Variants in MAP3K3 observed in about 807,000 individuals in gnomAD.
MAP3K3 encodes the protein MAP/ERK kinase kinase 3.
MAP3K3 carries 12 observed loss-of-function variants against 80.9 expected under a neutral mutation model. The observed-to-expected ratio is 0.15, with a 90% CI of 0.10 to 0.24. The LOEUF (loss-of-function observed/expected upper bound fraction) is 0.24. Among genes scored for constraint, MAP3K3 ranks in the 10% least tolerant of loss-of-function variants. MAP3K3 has a pLI of 1.00. For missense variants in MAP3K3, 596 were observed against 834.7 expected, an observed-to-expected ratio of 0.71 and a Z score of 3.52; for synonymous variants, 272 against 307.1, an observed-to-expected ratio of 0.89 and a Z score of 1.19.
chr17:63,655,792 G>GT (rs1314475913), intron 4 of MAP3K3, among the ~76,000 whole-genome samples: 5 of 151,818 alleles, frequency 3.3e-5, no homozygotes, highest in African/African-American at 7.3e-5. Flanking sequence ...AGCCTACTTG[G>GT]TTTTTTTTAT....
intron 6 of MAP3K3, among the ~76,000 whole-genome samples, chr17:63,670,158 CA>C (rs931420027): frequency 3.2e-4 from 49 of 151,590 alleles, no homozygotes; most frequent in African/African-American, 1.1e-3. Context: ...ATATGGGAAG[CA>C]AAAAAGACAC....
chr17:63,662,650 AT>A (rs1192833142), intron 5 of MAP3K3, among the ~76,000 whole-genome samples: 17,636 of 83,272 alleles, frequency 0.21, 1,062 homozygotes, highest in African/African-American at 0.36. Flanking sequence ...AGAAGAGGGA[AT>A]TTTTTTTTTT....
rs2034009049 is a variant in MAP3K3 at position 63,622,628 on chromosome 17, C to T, written c.-132C>T. Reference sequence around the variant, plus strand: ...CGGAGCCTGGGGAGGCGGCGGGGGCCCAGAGCGCAGCCCGCGCCCCCCGCG... The same window carrying T: ...CGGAGCCTGGGGAGGCGGCGGGGGCTCAGAGCGCAGCCCGCGCCCCCCGCG... On this transcript the variant is annotated 5_prime_UTR_variant, in exon 1 of 16. Transcript: ENST00000361733. 2.7e-5 allele frequency: 5 copies of T among 186,684 alleles called. No individual in the cohort carries two copies. The South Asian group carries it at 6.6e-4, about 25-fold the overall frequency. The allele number at this position is 186,684 out of a possible 1,614,324, so 11.6% of individuals were successfully genotyped here. A position where few individuals can be genotyped will look rare whatever the true frequency, so the allele number is the denominator to read the frequency against.
At chr17:63,631,161 C>T (rs1233933183) in intron 1 of MAP3K3, among the ~76,000 whole-genome samples, 4 of 152,084 alleles carry the variant, frequency 2.6e-5, no homozygotes, top group Non-Finnish European at 1.5e-5. Context: ...GTGGTGTGCA[C>T]CTGTAGTCCC....
At position 63,695,079 on chromosome 17, in the gene MAP3K3, G is replaced by C. The variant is rs1263037550; in HGVS notation, c.*1302G>C. ...TCAACACCCAGTTTCCTTGGGAGTT[G>C]TCATTAAAGGAAAAAAAAAAAAAAA... is the stretch of plus-strand genomic sequence containing the variant. On this transcript the variant is annotated 3_prime_UTR_variant, in exon 16 of 16. Transcript: ENST00000361733. The surrounding 1 kb of genome is among the most constrained non-coding windows in gnomAD (Gnocchi z 4.1). 2 of 138,712 alleles carry C rather than the reference G, an allele frequency of 1.4e-5. No homozygotes were observed. The highest frequency in any genetic ancestry group is 5.6e-5 in the African/African-American group (2 of 35,424). The allele number at this position is 138,712 out of a possible 1,614,324, so 8.6% of individuals were successfully genotyped here. A position where few individuals can be genotyped will look rare whatever the true frequency, so the allele number is the denominator to read the frequency against.
At chr17:63,626,621 A>G (rs974747553) in intron 1 of MAP3K3, among the ~76,000 whole-genome samples, 2 of 152,230 alleles carry the variant, frequency 1.3e-5, no homozygotes, top group Admixed American at 1.3e-4. Flanking sequence ...TTCTTGAAGG[A>G]TAAAAGTTTC....
chr17:63,645,961 A>G, intron 2 of MAP3K3, 73 bp from the exon 3 acceptor site: 1 of 1,248,918 alleles, frequency 8.0e-7, no homozygotes, highest in South Asian at 1.2e-5. Context: ...GAACTGCCCA[A>G]GGCTTACTTG....
chr17:63,669,412 G>A (rs541553183), intron 6 of MAP3K3, among the ~76,000 whole-genome samples: 1 of 152,160 alleles, frequency 6.6e-6, no homozygotes, highest in South Asian at 2.1e-4. Flanking sequence ...GTAGGCAGTG[G>A]AAGCCACTGA....
intron 2 of MAP3K3, among the ~76,000 whole-genome samples, chr17:63,645,471 G>A (rs906984303): frequency 3.3e-5 from 5 of 152,208 alleles, no homozygotes; most frequent in African/African-American, 1.2e-4. Context: ...GGTACCAGTG[G>A]CAGCAGCAGC....
At position 63,689,518 on chromosome 17, in the gene MAP3K3, C is replaced by T. The variant is rs1327278543; in HGVS notation, c.872-26C>T. ...CTCGTAGCCTGGGGTGTGACTTGCT[C>T]TCCTCTGGCCCTTGCACCCTTTCAG... is the stretch of plus-strand genomic sequence containing the variant. On this transcript the variant is annotated intron_variant, in intron 10 of 15. Coordinates refer to ENST00000361733, the MANE Select transcript of MAP3K3 (RefSeq NM_002401.5). This position sits in a 1 kb window ranked among gnomAD's most constrained non-coding sequence, Gnocchi z 4.3. The T allele has an allele frequency of 1.3e-6, 2 of 1,594,842 alleles. No homozygotes were observed. The highest frequency in any genetic ancestry group is 1.7e-6 in the Non-Finnish European group (2 of 1,168,006).
At position 63,662,977 on chromosome 17, in the gene MAP3K3, A is replaced by G. The variant is rs182003202; in HGVS notation, c.382-3963A>G. Among the ~76,000 whole-genome samples the G allele has an allele frequency of 9.8e-4, 148 of 150,572 alleles. 1 individual carries two copies. Among genetic ancestry groups the G allele is most frequent in the Admixed American group, 6.9e-3 (104 of 15,072 alleles). ...GTTGTGAGCCACCACGCCCGGCCCC[A>G]GAAGAGGGTTCTTAGAATTATTGTA... On this transcript the variant is annotated intron_variant, in intron 5 of 15. Coordinates refer to ENST00000361733, the MANE Select transcript of MAP3K3 (RefSeq NM_002401.5).
Position 63,652,617 on chromosome 17 carries a change from A to G in MAP3K3, c.228A>G (p.Val76=). Residue 76 remains valine (V), a synonymous_variant, in exon 4 of 16, where the codon GTA becomes GTG. Coordinates refer to ENST00000361733, the MANE Select transcript of MAP3K3 (RefSeq NM_002401.5). ...ATGTGGAGCACAAGGTGACAACAGT[A>G]TTTGGACAACCTCTTGATCTACATT... ...YEDVEHKVTT[V]FGQPLDLHYM... 6.2e-7 allele frequency: 1 copy of G among 1,614,012 alleles called. No individual in the cohort carries two copies. The highest frequency in any genetic ancestry group is 8.5e-7 in the Non-Finnish European group (1 of 1,179,854).
chr17:63,694,930 AG>A lies in MAP3K3; in HGVS notation c.*1157del, dbSNP rs1210019642. 2.6e-5 allele frequency: 4 copies of A among 153,554 alleles called. No individual in the cohort carries two copies. Among genetic ancestry groups the A allele is most frequent in the Non-Finnish European group, 5.8e-5 (4 of 68,834 alleles). 9.5% of individuals were successfully genotyped at this position (153,554 alleles called of 1,614,324 possible). On this transcript the variant is annotated 3_prime_UTR_variant, in exon 16 of 16. Coordinates refer to ENST00000361733, the MANE Select transcript of MAP3K3 (RefSeq NM_002401.5). ...CCTCCCCTGGAGGGGGAATGGCAGC[AG>A]GGGTTGGGGAAACAGCATCTCCAAG...
At position 63,692,873 on chromosome 17, in the gene MAP3K3, T is replaced by C. The variant is rs1014473762; in HGVS notation, c.1652+454T>C. 3.3e-5 allele frequency among the ~76,000 whole-genome samples: 5 copies of C among 152,228 alleles called. No individual in the cohort carries two copies. Among genetic ancestry groups the C allele is most frequent in the African/African-American group, 9.6e-5 (4 of 41,462 alleles). On this transcript the variant is annotated intron_variant, in intron 15 of 15. Coordinates refer to ENST00000361733, the MANE Select transcript of MAP3K3 (RefSeq NM_002401.5). The surrounding 1 kb of genome is among the most constrained non-coding windows in gnomAD (Gnocchi z 4.5). ...CTGAATAATGGCCCCCCCAAAGATG[T>C]CCACTGCCTAATCCCTGGATCTGTA...
intron 1 of MAP3K3, among the ~76,000 whole-genome samples, chr17:63,632,185 G>T (rs1274584996): frequency 6.6e-6 from 1 of 151,976 alleles, no homozygotes; most frequent in African/African-American, 2.4e-5. Context: ...CTGATTGGAG[G>T]GCTATTAAGA....
intron 5 of MAP3K3, among the ~76,000 whole-genome samples, chr17:63,662,684 G>T (rs1169621517): frequency 4.0e-5 from 5 of 124,358 alleles, no homozygotes; most frequent in African/African-American, 1.6e-4. Context: ...TTGGGATGGA[G>T]TCTCACTCTG....
intron 8 of MAP3K3, among the ~76,000 whole-genome samples, chr17:63,686,143 A>G (rs1001897019): frequency 1.3e-5 from 2 of 152,198 alleles, no homozygotes; most frequent in African/African-American, 4.8e-5. Flanking sequence ...AGGCCTTGGC[A>G]TTGATCTTGC....
At chr17:63,669,081 G>A (rs1468680026) in intron 6 of MAP3K3, among the ~76,000 whole-genome samples, 4 of 152,206 alleles carry the variant, frequency 2.6e-5, no homozygotes, top group Non-Finnish European at 5.9e-5. Context: ...ACTGTGTGTA[G>A]GGTAAGGTAG....
chr17:63,658,262 G>A (rs896033229), intron 5 of MAP3K3, among the ~76,000 whole-genome samples: 2 of 152,212 alleles, frequency 1.3e-5, no homozygotes, highest in African/African-American at 4.8e-5. Context: ...GATTAGGAAA[G>A]ACTGTCAAAG....
Sources: allele counts gnomAD v4.1 joint callset (sites outside exome capture counted in the v4.1 genomes callset), GRCh38; gene constraint gnomAD v4.1.1; non-coding constraint Gnocchi (gnomAD v3.1); transcripts MANE v1.5; gene names NCBI Gene and HGNC (gene_info 2026-07-23, HGNC 2026-07-21).